Variants in ETFA observed in about 807,000 individuals in gnomAD.
ETFA encodes electron transfer flavoprotein subunit alpha, also known as electron transfer flavoprotein subunit alpha, mitochondrial.
In ETFA, 22 loss-of-function variants were observed where a neutral mutation model predicts 46.2. The observed-to-expected ratio is 0.48, with a 90% CI of 0.34 to 0.68. ETFA has a LOEUF of 0.68. Ranked by LOEUF, ETFA falls within the 30% of genes least tolerant of loss-of-function variation. The probability of loss-of-function intolerance (pLI) is 0.01; values close to 1 mark genes in which losing one functional copy is unlikely to be tolerated. For missense variants in ETFA, 345 were observed against 401.1 expected (o/e 0.86, Z 1.19); for synonymous variants, 131 against 139.9 (o/e 0.94, Z 0.45).
At position 76,228,751 on chromosome 15, in the gene ETFA, CTTTTTT is replaced by C. The variant is rs990306452; in HGVS notation, c.882+2576_882+2581del. On this transcript the variant is annotated intron_variant, in intron 10 of 11. Transcript: ENST00000557943. The stretch of plus-strand genomic sequence containing the variant: ...GTATTCAACCATATTATTATTATTA[CTTTTTT>C]TTTTTTTTTTTTTTTTAGATGGAGT... 1.5e-3 allele frequency: 169 copies of C among 115,288 alleles called. 2 individuals carry two copies. Among genetic ancestry groups the C allele is most frequent in the African/African-American group, 5.0e-3 (144 of 28,812 alleles). 7.1% of individuals were successfully genotyped at this position (115,288 alleles called of 1,614,324 possible).
chr15:76,248,019 C>T (rs115870965), intron 9 of ETFA, among the ~76,000 whole-genome samples: 1 of 152,114 alleles, frequency 6.6e-6, no homozygotes, highest in African/African-American at 2.4e-5. Context: ...ATGAGTTATA[C>T]CTACATTTCC....
intron 8 of ETFA, among the ~76,000 whole-genome samples, chr15:76,276,678 G>GGA (rs986487574): frequency 2.0e-5 from 3 of 151,628 alleles, no homozygotes; most frequent in Non-Finnish European, 4.4e-5. Context: ...TTTCAGTTTT[G>GGA]GAGGTTTCTA....
intron 10 of ETFA, chr15:76,228,751 CT>C (rs990306452): frequency 0.11 from 13,217 of 115,098 alleles, 698 homozygotes; most frequent in African/African-American, 0.18. Context: ...ATTATTATTA[CT>C]TTTTTTTTTT....
chr15:76,225,908 C>G lies in ETFA; in HGVS notation c.904G>C (p.Asp302His), dbSNP rs778798321. The stretch of plus-strand genomic sequence containing the variant: ...ACTTGGAAAATTGGAGCTTCTGGGT[C>G]TTTATTAATTGCCACAATTGTCTGT... ...DSKTIVAINKDPEAPIFQVAD... is the reference protein window; with the variant it reads ...DSKTIVAINKHPEAPIFQVAD... The change falls in exon 11 of 12, where the codon GAC becomes CAC. Residue 302 changes from aspartate to histidine, a missense_variant. Asp to His is a moderately conservative substitution (Grantham distance 81). Transcript: ENST00000557943. The G allele has an allele frequency of 6.2e-7, 1 of 1,609,428 alleles. No homozygotes were observed. The highest frequency in any genetic ancestry group is 1.1e-5 in the South Asian group (1 of 90,990).
At position 76,249,451 on chromosome 15, in the gene ETFA, T is replaced by C. The variant is rs867734464; in HGVS notation, c.817-18053A>G. ...TCCATGGTAATTTTTTTTTTTTTTT[T>C]TTTTTTTTTAGATGGAGTCTCGTTC... On this transcript the variant is annotated intron_variant, in intron 9 of 11. Coordinates refer to ENST00000557943, the MANE Select transcript of ETFA (RefSeq NM_000126.4). Among the ~76,000 whole-genome samples, 162 of 141,028 alleles carry C rather than the reference T, an allele frequency of 1.1e-3. 3 individuals carry two copies. The highest frequency in any genetic ancestry group is 4.1e-3 in the Middle Eastern group (1 of 246). 92.5% of individuals were successfully genotyped at this position (141,028 alleles called of 152,430 possible).
chr15:76,226,127 G>C (rs2039001512), intron 10 of ETFA, 198 bp from the exon 11 acceptor site: 2 of 565,256 alleles, frequency 3.5e-6, no homozygotes, highest in Non-Finnish European at 6.3e-6. Context: ...CCCACATCTA[G>C]CCCATCTCAG....
intron 11 of ETFA, among the ~76,000 whole-genome samples, chr15:76,222,328 TTTTTA>T (rs1213212535): frequency 3.9e-5 from 3 of 77,300 alleles, no homozygotes; most frequent in Admixed American, 2.8e-4. Flanking sequence ...AATATTGTAT[TTTTTA>T]TTTTTTAATC....
At chr15:76,282,714 G>C (rs2039667691) in intron 8 of ETFA, among the ~76,000 whole-genome samples, 1 of 152,150 alleles carries the variant, frequency 6.6e-6, no homozygotes. Flanking sequence ...GAAAACCCTC[G>C]AAAGTTATAT....
At chr15:76,310,949 G>A (rs2039991583) in intron 1 of ETFA, among the ~76,000 whole-genome samples, 1 of 152,018 alleles carries the variant, frequency 6.6e-6, no homozygotes. Context: ...AGGAATCTAG[G>A]TTTGAAACTT....
chr15:76,299,687 C>T (rs1418669925), intron 1 of ETFA, among the ~76,000 whole-genome samples: 2 of 152,190 alleles, frequency 1.3e-5, no homozygotes, highest in African/African-American at 4.8e-5. Context: ...GACCTGATTT[C>T]CTTTTCTGAT....
intron 9 of ETFA, among the ~76,000 whole-genome samples, chr15:76,253,887 G>A (rs2039325573): frequency 6.6e-6 from 1 of 152,208 alleles, no homozygotes; most frequent in African/African-American, 2.4e-5. Context: ...CTGGGCCTCA[G>A]GACTCTTGGC....
At chr15:76,220,310 C>T (rs2038944926) in intron 11 of ETFA, among the ~76,000 whole-genome samples, 1 of 152,232 alleles carries the variant, frequency 6.6e-6, no homozygotes, top group Admixed American at 6.5e-5. Context: ...TCGAGTGATC[C>T]ACCCACCTTG....
chr15:76,242,973 T>C (rs1002144298), intron 9 of ETFA, among the ~76,000 whole-genome samples: 7 of 152,236 alleles, frequency 4.6e-5, no homozygotes, highest in African/African-American at 1.7e-4. Context: ...GTTGTGAATG[T>C]GGTTGAAGTC....
At position 76,231,415 on chromosome 15, in the gene ETFA, C is replaced by G; in HGVS notation, c.817-17G>C. On this transcript the variant is annotated splice_polypyrimidine_tract_variant and intron_variant, in intron 9 of 11. Transcript: ENST00000557943. ...ATAAAGTTCCTGAAATAAAAGAGGT[C>G]ACATTATTAATATGTATTTATATTA... is the stretch of plus-strand genomic sequence containing the variant. 5.9e-6 allele frequency: 9 copies of G among 1,514,692 alleles called. No homozygotes were observed. The highest frequency in any genetic ancestry group is 8.2e-6 in the Non-Finnish European group (9 of 1,091,150). The allele number at this position is 1,514,692 out of a possible 1,614,324, so 93.8% of individuals were successfully genotyped here.
At chr15:76,273,782 TC>T (rs1367428126) in intron 9 of ETFA, among the ~76,000 whole-genome samples, 1 of 152,170 alleles carries the variant, frequency 6.6e-6, no homozygotes, top group Non-Finnish European at 1.5e-5. Flanking sequence ...AGACTCCTAT[TC>T]ACTGAAAATC....
chr15:76,231,832 C>G (rs559361687), intron 9 of ETFA, among the ~76,000 whole-genome samples: 1 of 152,260 alleles, frequency 6.6e-6, no homozygotes, highest in Non-Finnish European at 1.5e-5. Flanking sequence ...CACATATACT[C>G]AAATATATTA....
intron 1 of ETFA, among the ~76,000 whole-genome samples, chr15:76,306,455 C>T (rs1047963688): frequency 3.3e-5 from 5 of 151,522 alleles, no homozygotes; most frequent in Non-Finnish European, 5.9e-5. Flanking sequence ...TTAGTAGAGA[C>T]GGGTTTCACC....
intron 9 of ETFA, among the ~76,000 whole-genome samples, chr15:76,254,420 C>T (rs1318229234): frequency 6.6e-6 from 1 of 152,112 alleles, no homozygotes; most frequent in East Asian, 1.9e-4. Context: ...AGTTAACTGC[C>T]TGCTAAAACA....
chr15:76,261,551 G>C (rs1382107543), intron 9 of ETFA: 3 of 603,150 alleles, frequency 5.0e-6, no homozygotes, highest in Non-Finnish European at 9.0e-6. Context: ...AGCTTTGCCG[G>C]GACTCCCACG....
Sources: allele counts gnomAD v4.1 joint callset (sites outside exome capture counted in the v4.1 genomes callset), GRCh38; gene constraint gnomAD v4.1.1; transcripts MANE v1.5; gene names NCBI Gene and HGNC (gene_info 2026-07-23, HGNC 2026-07-21).